Variants in TBC1D21 observed in about 807,000 individuals in gnomAD.
TBC1D21 encodes the protein TBC1 domain family member 21.
A neutral mutation model predicts 46.0 loss-of-function variants in TBC1D21; 38 were observed. The observed-to-expected ratio is 0.83, with a 90% CI of 0.64 to 1.08. The LOEUF (loss-of-function observed/expected upper bound fraction) is 1.08, where lower values mean the gene tolerates loss of function less well. TBC1D21 is among the 50% of genes least tolerant of loss of function. The pLI is 0.00. For missense variants in TBC1D21, 415 were observed against 417.9 expected (o/e 0.99, Z 0.06); for synonymous variants, 151 against 157.2 (o/e 0.96, Z 0.29).
chr15:73,896,558 C>A, the TBC1D21 span, among the ~76,000 whole-genome samples: 2 of 151,420 alleles, frequency 1.3e-5, no homozygotes, highest in African/African-American at 4.9e-5. Flanking sequence ...AAACTCCTAG[C>A]TCAATAGGAA....
chr15:73,873,842 C>A, intron 1 of TBC1D21, 73 bp downstream of exon 1: 1 of 1,530,690 alleles, frequency 6.5e-7, no homozygotes, highest in East Asian at 2.4e-5. Context: ...TTTTCCCCTG[C>A]TGGGTAGGAA....
At chr15:73,893,465 C>A (rs1195877169), downstream of TBC1D21, among the ~76,000 whole-genome samples, 2 of 152,182 alleles carry the variant, frequency 1.3e-5, no homozygotes, top group South Asian at 2.1e-4. Flanking sequence ...CAAGCTCTCA[C>A]CCTCACCTCT....
the TBC1D21 span, among the ~76,000 whole-genome samples, chr15:73,898,880 A>AAAAAAAAATATATATATATATAT: frequency 7.6e-4 from 43 of 56,738 alleles, no homozygotes; most frequent in South Asian, 1.2e-3. Context: ...AAAAAAAAAA[A>AAAAAAAAATATATATATATATAT]ATATATATAT....
rs1248820567 is a variant in TBC1D21, at chr15:73,888,580, TCTTCC to T, written c.978+68_978+72del. ...CTCCTCCTCTTCCTCCTCCTCCTCC[TCTTCC>T]TCCTCCTCCTCCTCCTCCTCTTCTT... On this transcript the variant is annotated intron_variant, in intron 10 of 10. Transcript: ENST00000300504. 657 of 1,032,046 alleles carry T rather than the reference TCTTCC, an allele frequency of 6.4e-4. 3 individuals are homozygous for T. In the African/African-American group the frequency reaches 9.8e-3, roughly 15 times the overall value. The allele number at this position is 1,032,046 out of a possible 1,614,324, so 63.9% of individuals were successfully genotyped here. A position where few individuals can be genotyped will look rare whatever the true frequency, so the allele number is the denominator to read the frequency against.
At chr15:73,885,853 C>G (rs1321747387) in intron 6 of TBC1D21, among the ~76,000 whole-genome samples, 1 of 151,480 alleles carries the variant, frequency 6.6e-6, no homozygotes, top group African/African-American at 2.4e-5. Flanking sequence ...ACACAGCCAC[C>G]CAGAGGCGTA....
At chr15:73,902,213 C>T in the TBC1D21 span, among the ~76,000 whole-genome samples, 1 of 152,218 alleles carries the variant, frequency 6.6e-6, no homozygotes, top group Admixed American at 6.5e-5. Context: ...ATTTAGCCTA[C>T]CACACCGAAG....
Position 73,876,221 on chromosome 15 carries a change from T to TGTTTG in TBC1D21, c.60+2452_60+2453insGTTTG, listed in dbSNP as rs1567062336. ...TGGGTTTTTTTTTTTTTTTTTTTTT[T>TGTTTG]TTTTTTTTTTTTTTTTTTTTTTTTG... On this transcript the variant is annotated intron_variant, in intron 1 of 10. Coordinates refer to ENST00000300504, the MANE Select transcript of TBC1D21 (RefSeq NM_153356.3). 7.7e-4 allele frequency among the ~76,000 whole-genome samples: 28 copies of TGTTTG among 36,380 alleles called. 1 individual carries two copies. Among genetic ancestry groups the TGTTTG allele is most frequent in the African/African-American group, 4.7e-3 (26 of 5,536 alleles). The allele number at this position is 36,380 out of a possible 152,430, so 23.9% of individuals were successfully genotyped here.
chr15:73,889,517 T>C (rs1465070540), downstream of TBC1D21, among the ~76,000 whole-genome samples: 1 of 152,216 alleles, frequency 6.6e-6, no homozygotes, highest in Non-Finnish European at 1.5e-5. Flanking sequence ...TGGACTTAGG[T>C]CCTGAGAGGA....
chr15:73,873,756 C>T lies in TBC1D21; in HGVS notation c.47C>T (p.Ala16Val), dbSNP rs757266396. ...PENSLSARQS[A>V]SFILVKRKPP... is the part of the protein sequence containing the mutation. ...AACAGCCTCTCTGCCAGACAGTCAG[C>T]CTCCTTCATCCTGGTGCGTGTTCTT... The change falls in exon 1 of 11, where the codon GCC (alanine) becomes GTC (valine). Residue 16 changes from alanine to valine, a missense_variant. By Grantham distance (64) the Ala-to-Val change is moderately conservative. Transcript: ENST00000300504. 3.1e-6 allele frequency: 5 copies of T among 1,610,256 alleles called. No homozygotes were observed. Among genetic ancestry groups the T allele is most frequent in the Non-Finnish European group, 4.2e-6 (5 of 1,177,932 alleles).
At chr15:73,890,369 C>G (rs1447376786), downstream of TBC1D21, among the ~76,000 whole-genome samples, 1 of 152,196 alleles carries the variant, frequency 6.6e-6, no homozygotes, top group African/African-American at 2.4e-5. Context: ...GCCTGTCCCC[C>G]CAGCAACACC....
At chr15:73,880,328 A>ACACC (rs762418406) in intron 1 of TBC1D21, among the ~76,000 whole-genome samples, 61 of 150,888 alleles carry the variant, frequency 4.0e-4, no homozygotes, top group African/African-American at 9.2e-4. Context: ...ACACACACAC[A>ACACC]CCCTTATCAA....
At chr15:73,894,786 C>A in the TBC1D21 span, among the ~76,000 whole-genome samples, 1 of 152,166 alleles carries the variant, frequency 6.6e-6, no homozygotes, top group African/African-American at 2.4e-5. Context: ...GCAGAGACCC[C>A]CTGGATGGAA....
chr15:73,889,274 G>A, downstream of TBC1D21: 1 of 729,568 alleles, frequency 1.4e-6, no homozygotes, highest in Non-Finnish European at 2.3e-6. Flanking sequence ...TGAGGGCTGA[G>A]ACAGGGTCGT....
At chr15:73,892,390 G>C (rs562211654), downstream of TBC1D21, among the ~76,000 whole-genome samples, 41 of 152,344 alleles carry the variant, frequency 2.7e-4, no homozygotes, top group Non-Finnish European at 5.0e-4. Context: ...AAGGAGAGAA[G>C]AGAGGAGAGA....
chr15:73,898,880 A>AAAAATATAT, the TBC1D21 span, among the ~76,000 whole-genome samples: 4 of 56,804 alleles, frequency 7.0e-5, no homozygotes, highest in African/African-American at 1.6e-4. Context: ...AAAAAAAAAA[A>AAAAATATAT]ATATATATAT....
Position 73,884,887 on chromosome 15 carries a change from G to A in TBC1D21, c.474G>A (p.Gln158=), listed in dbSNP as rs1203406228. ...ILLLSYVCNT[Q]AEYQQGFHEM... ...TCCTGAGTTACGTCTGCAACACGCA[G>A]GCAGGTGAGCCTCAGCCTCCCCTTG... The change falls in exon 5 of 11, where the codon CAG becomes CAA. Residue 158 remains glutamine (Q), a synonymous_variant. Coordinates refer to ENST00000300504, the MANE Select transcript of TBC1D21 (RefSeq NM_153356.3). 1.2e-6 allele frequency: 2 copies of A among 1,613,964 alleles called. No individual in the cohort carries two copies. The highest frequency in any genetic ancestry group is 3.3e-5 in the Admixed American group (2 of 60,022).
chr15:73,882,591 A>G (rs529050578), intron 3 of TBC1D21, among the ~76,000 whole-genome samples: 3 of 152,252 alleles, frequency 2.0e-5, no homozygotes, highest in South Asian at 4.1e-4. Context: ...ATAACACACC[A>G]TCTTTGAACT....
At chr15:73,893,039 A>T (rs11855607), downstream of TBC1D21, among the ~76,000 whole-genome samples, 11,340 of 152,164 alleles carry the variant, frequency 0.075, 887 homozygotes, top group East Asian at 0.2. Context: ...CAGAGGTGAT[A>T]TAGAATCTGG....
rs2068220623 is a variant in TBC1D21 at position 73,885,063 on chromosome 15, A to G, written c.539A>G (p.His180Arg). 1 of 1,611,512 alleles carries G rather than the reference A, an allele frequency of 6.2e-7. No homozygotes were observed. The highest frequency in any genetic ancestry group is 1.7e-5 in the Admixed American group (1 of 59,842). The change falls in exon 6 of 11, where the codon CAC (histidine) becomes CGC (arginine). Residue 180 changes from histidine (H) to arginine (R), a missense_variant. By Grantham distance (29) the His-to-Arg change is conservative. Coordinates refer to ENST00000300504, the MANE Select transcript of TBC1D21 (RefSeq NM_153356.3). ...TTCCAGCTGATGGTGGAGCACGACC[A>G]CGAGACCTTCTGGCTTTTCCAGTTC... Reference protein sequence around the residue: ...MLFQLMVEHDHETFWLFQFFL... With the variant: ...MLFQLMVEHDRETFWLFQFFL...
Sources: gnomAD v4.1 joint callset for allele counts (sites outside exome capture counted in the v4.1 genomes callset) on GRCh38, gnomAD v4.1.1 for gene constraint, MANE v1.5 for transcripts, NCBI Gene and HGNC (gene_info 2026-07-23, HGNC 2026-07-21) for gene names.